Variants in HS6ST3 observed in about 807,000 individuals in gnomAD.
HS6ST3 encodes heparan sulfate 6-O-sulfotransferase 3, also known as heparan-sulfate 6-O-sulfotransferase 3.
HS6ST3 carries 12 observed loss-of-function variants against 36.7 expected under a neutral mutation model. The ratio of observed to expected loss-of-function variants is 0.33; its 90% confidence interval spans 0.21 to 0.53. HS6ST3 has a LOEUF of 0.53. Ranked by LOEUF, HS6ST3 falls within the 20% of genes least tolerant of loss-of-function variation. HS6ST3 has a pLI of 0.95. For missense variants in HS6ST3, 584 were observed against 640.9 expected (o/e 0.91, Z 0.96); for synonymous variants, 240 against 257.5 (o/e 0.93, Z 0.65).
chr13:96,334,208 T>C (rs117470149), intron 1 of HS6ST3, among the ~76,000 whole-genome samples: 2,835 of 152,302 alleles, frequency 0.019, 51 homozygotes, highest in Non-Finnish European at 0.029. Flanking sequence ...CCAAGTCTCG[T>C]GTTGAATTGT....
At chr13:96,145,820 T>G (rs2054055293) in intron 1 of HS6ST3, among the ~76,000 whole-genome samples, 4 of 152,208 alleles carry the variant, frequency 2.6e-5, no homozygotes, top group Admixed American at 2.0e-4. Flanking sequence ...CATCTTGAAT[T>G]AATTTATGTA....
chr13:96,304,714 T>TCTTTCTTTCTTTCTTTCTTTCTTTCTTTC (rs1555296788), intron 1 of HS6ST3, among the ~76,000 whole-genome samples: 1 of 123,604 alleles, frequency 8.1e-6, no homozygotes, highest in South Asian at 2.9e-4. Context: ...TTTCTTTCTT[T>TCTTTCTTTCTTTCTTTCTTTCTTTCTTTC]TTTTTTTTTT....
At chr13:96,551,223 A>G (rs576220545) in intron 1 of HS6ST3, among the ~76,000 whole-genome samples, 1 of 152,330 alleles carries the variant, frequency 6.6e-6, no homozygotes, top group Non-Finnish European at 1.5e-5. Context: ...TTCTTTCTCC[A>G]TGCTTTGGAG....
intron 1 of HS6ST3, among the ~76,000 whole-genome samples, chr13:96,273,341 C>T (rs191981906): frequency 6.6e-6 from 1 of 152,078 alleles, no homozygotes; most frequent in East Asian, 1.9e-4. Flanking sequence ...ATTTTTCCCT[C>T]TTGACTGTGT....
At chr13:96,360,945 CAAA>C (rs1555300657) in intron 1 of HS6ST3, among the ~76,000 whole-genome samples, 22 of 130,868 alleles carry the variant, frequency 1.7e-4, no homozygotes, top group Admixed American at 6.4e-4. Flanking sequence ...GACCCTGTCC[CAAA>C]AAAAAAAAAA....
rs1468195738 is a variant in HS6ST3, at chr13:96,838,201, T to A, written c.*5003T>A. 1 of 152,156 alleles carries A rather than the reference T, an allele frequency of 6.6e-6. No individual in the cohort carries two copies. The highest frequency in any genetic ancestry group is 1.5e-5 in the Non-Finnish European group (1 of 68,040). The allele number at this position is 152,156 out of a possible 1,614,324, so 9.4% of individuals were successfully genotyped here. A position where few individuals can be genotyped will look rare whatever the true frequency, so the allele number is the denominator to read the frequency against. ...AATGAATTAAATATATGACATGTAATACTGAAAAAATAGAAAAATGACTAA... is the reference window on the plus strand; with the variant it reads ...AATGAATTAAATATATGACATGTAAAACTGAAAAAATAGAAAAATGACTAA... On this transcript the variant is annotated 3_prime_UTR_variant, in exon 2 of 2. Coordinates refer to ENST00000376705, the MANE Select transcript of HS6ST3 (RefSeq NM_153456.4).
chr13:96,595,825 C>A (rs1435962496), intron 1 of HS6ST3, among the ~76,000 whole-genome samples: 1 of 150,994 alleles, frequency 6.6e-6, no homozygotes, highest in Non-Finnish European at 1.5e-5. Flanking sequence ...TTCTCTATTG[C>A]ATTTTTTTAA....
chr13:96,807,599 A>G (rs1427548062), intron 1 of HS6ST3, among the ~76,000 whole-genome samples: 1 of 152,184 alleles, frequency 6.6e-6, no homozygotes, highest in Non-Finnish European at 1.5e-5. Context: ...ACAAACAACT[A>G]AGGAAAGAGT....
At chr13:96,705,458 C>T (rs1367844609) in intron 1 of HS6ST3, among the ~76,000 whole-genome samples, 3 of 152,236 alleles carry the variant, frequency 2.0e-5, no homozygotes, top group South Asian at 4.1e-4. Flanking sequence ...GCATATTTCT[C>T]TTCCTGGGAG....
chr13:96,831,589 A>G (rs1428293045), intron 1 of HS6ST3, among the ~76,000 whole-genome samples: 3 of 152,234 alleles, frequency 2.0e-5, no homozygotes, highest in African/African-American at 7.2e-5. Context: ...CACCCAGTAA[A>G]TCCTAGTCTC....
rs907864034 is a variant in HS6ST3, at chr13:96,836,706, T to C, written c.*3508T>C. On this transcript the variant is annotated 3_prime_UTR_variant, in exon 2 of 2. Coordinates refer to ENST00000376705, the MANE Select transcript of HS6ST3 (RefSeq NM_153456.4). ...CCCCAGGATAGACCTAGCAAGGAGA[T>C]AAGAATAGATCATTAAAAAATAAAT... 6 of 152,156 alleles carry C rather than the reference T, an allele frequency of 3.9e-5. No homozygotes were observed. Among genetic ancestry groups the C allele is most frequent in the African/African-American group, 1.2e-4 (5 of 41,434 alleles). The allele number at this position is 152,156 out of a possible 1,614,324, so 9.4% of individuals were successfully genotyped here.
At chr13:96,731,662 T>G (rs532142284) in intron 1 of HS6ST3, among the ~76,000 whole-genome samples, 4 of 147,666 alleles carry the variant, frequency 2.7e-5, no homozygotes, top group African/African-American at 5.0e-5. Context: ...GTTTGTTTTG[T>G]TTTTTTTTTG....
chr13:96,140,741 T>C (rs1163109624), intron 1 of HS6ST3, among the ~76,000 whole-genome samples: 1 of 152,196 alleles, frequency 6.6e-6, no homozygotes, highest in African/African-American at 2.4e-5. Flanking sequence ...ATCCTTTTTA[T>C]CTCATATCAA....
chr13:96,286,937 TGTGA>T (rs942842931), intron 1 of HS6ST3, among the ~76,000 whole-genome samples: 4 of 152,080 alleles, frequency 2.6e-5, no homozygotes, highest in African/African-American at 9.7e-5. Flanking sequence ...TGTGCATGCG[TGTGA>T]GTGTGTGTGC....
chr13:96,473,774 T>A (rs1777892381), intron 1 of HS6ST3, among the ~76,000 whole-genome samples: 1 of 152,102 alleles, frequency 6.6e-6, no homozygotes, highest in African/African-American at 2.4e-5. Context: ...ACAGAGTAAC[T>A]GAGAATGTGG....
At chr13:96,359,175 G>C (rs1468798970) in intron 1 of HS6ST3, among the ~76,000 whole-genome samples, 1 of 152,128 alleles carries the variant, frequency 6.6e-6, no homozygotes, top group Non-Finnish European at 1.5e-5. Context: ...AACTCGGCAA[G>C]ATGAGTGGGG....
At chr13:96,659,909 G>A (rs962470722) in intron 1 of HS6ST3, among the ~76,000 whole-genome samples, 3 of 151,846 alleles carry the variant, frequency 2.0e-5, no homozygotes, top group Non-Finnish European at 2.9e-5. Flanking sequence ...TAACTTTTTA[G>A]CACTTATTAT....
At chr13:96,651,915 T>A (rs1225421625) in intron 1 of HS6ST3, among the ~76,000 whole-genome samples, 1 of 152,068 alleles carries the variant, frequency 6.6e-6, no homozygotes, top group Non-Finnish European at 1.5e-5. Flanking sequence ...AAGTCTTCAG[T>A]TAGTATATGT....
chr13:96,826,553 A>G (rs1878651406), intron 1 of HS6ST3, among the ~76,000 whole-genome samples: 1 of 152,150 alleles, frequency 6.6e-6, no homozygotes, highest in Non-Finnish European at 1.5e-5. Context: ...CATTTAAGTT[A>G]AAAGTGCAGT....
Sources: gnomAD v4.1 joint callset for allele counts (sites outside exome capture counted in the v4.1 genomes callset) on GRCh38, gnomAD v4.1.1 for gene constraint, MANE v1.5 for transcripts, NCBI Gene and HGNC (gene_info 2026-07-23, HGNC 2026-07-21) for gene names.